The following NEURL1 variants were observed in gnomAD, a reference collection of about 807,000 sequenced individuals.
NEURL1 encodes the protein neuralized E3 ubiquitin protein ligase 1.
In NEURL1, 26 loss-of-function variants were observed where a neutral mutation model predicts 41.2. The ratio of observed to expected loss-of-function variants is 0.63; its 90% CI spans 0.46 to 0.87. NEURL1 has a LOEUF of 0.87. NEURL1 is among the 40% of genes least tolerant of loss of function. The pLI, the probability that NEURL1 is intolerant of heterozygous loss-of-function variation, is 0.00. For synonymous variants in NEURL1, 400 were observed against 402.3 expected, an observed-to-expected ratio of 0.99 and a Z score of 0.07; for missense variants, 761 against 871.1, an observed-to-expected ratio of 0.87 and a Z score of 1.59.
At chr10:103,583,833 G>A (rs1394624623) in intron 3 of NEURL1, among the ~76,000 whole-genome samples, 1 of 134,290 alleles carries the variant, frequency 7.4e-6, no homozygotes, top group Non-Finnish European at 1.6e-5. Flanking sequence ...GGGCTTATAG[G>A]CGATTGTTTT....
chr10:103,534,810 G>T (rs935222931), intron 1 of NEURL1, among the ~76,000 whole-genome samples: 1 of 152,074 alleles, frequency 6.6e-6, no homozygotes, highest in Non-Finnish European at 1.5e-5. Flanking sequence ...TGCCACCTGG[G>T]TCATGGGGTG....
At chr10:103,520,600 A>C (rs942432725) in intron 1 of NEURL1, among the ~76,000 whole-genome samples, 1 of 152,182 alleles carries the variant, frequency 6.6e-6, no homozygotes, top group Non-Finnish European at 1.5e-5. Flanking sequence ...CGTGCAGGTC[A>C]CAGGGGATAT....
At chr10:103,579,787 CA>C (rs1173590119) in intron 3 of NEURL1, among the ~76,000 whole-genome samples, 1 of 151,938 alleles carries the variant, frequency 6.6e-6, no homozygotes, top group Non-Finnish European at 1.5e-5. Flanking sequence ...ACAAAAAATA[CA>C]AAAATTAGCC....
At chr10:103,531,510 G>T (rs567227356) in intron 1 of NEURL1, among the ~76,000 whole-genome samples, 1 of 151,800 alleles carries the variant, frequency 6.6e-6, no homozygotes, top group Admixed American at 6.6e-5. Flanking sequence ...AAAGTGCTGG[G>T]ATTACAGATG....
intron 1 of NEURL1, among the ~76,000 whole-genome samples, chr10:103,562,678 T>C (rs1012877904): frequency 6.6e-6 from 1 of 152,166 alleles, no homozygotes; most frequent in Non-Finnish European, 1.5e-5. Context: ...TGGTGATGCG[T>C]CCTCTGTTAG....
intron 1 of NEURL1, among the ~76,000 whole-genome samples, chr10:103,534,370 A>G (rs1453781107): frequency 1.3e-5 from 2 of 152,098 alleles, no homozygotes; most frequent in Non-Finnish European, 1.5e-5. Flanking sequence ...CTGTACATCT[A>G]GTGGATCAAT....
intron 4 of NEURL1, among the ~76,000 whole-genome samples, chr10:103,586,432 A>G (rs1355982700): frequency 6.6e-6 from 1 of 152,104 alleles, no homozygotes; most frequent in Non-Finnish European, 1.5e-5. Flanking sequence ...TAGACCTTGG[A>G]CAGGTTCTGG....
At chr10:103,543,800 G>A (rs61871220) in intron 1 of NEURL1, among the ~76,000 whole-genome samples, 2,251 of 152,258 alleles carry the variant, frequency 0.015, 34 homozygotes, top group Middle Eastern at 0.082. Flanking sequence ...GTGTTTGTGG[G>A]ACCAGTGCCA....
chr10:103,568,478 G>A (rs1159566165), intron 1 of NEURL1, among the ~76,000 whole-genome samples: 1 of 152,172 alleles, frequency 6.6e-6, no homozygotes, highest in Non-Finnish European at 1.5e-5. Context: ...AGTAGAGGCT[G>A]GGGAGGGGGA....
At chr10:103,503,737 A>G (rs1666266229) in intron 1 of NEURL1, among the ~76,000 whole-genome samples, 1 of 150,856 alleles carries the variant, frequency 6.6e-6, no homozygotes, top group Admixed American at 6.6e-5. Context: ...GAATCTGGAG[A>G]TCACAATTGC....
chr10:103,540,618 TC>T (rs1228522304), intron 1 of NEURL1, among the ~76,000 whole-genome samples: 1 of 152,158 alleles, frequency 6.6e-6, no homozygotes, highest in Non-Finnish European at 1.5e-5. Context: ...ACTACTTTTT[TC>T]TCCAGTACCA....
intron 1 of NEURL1, among the ~76,000 whole-genome samples, chr10:103,555,674 G>A (rs112250284): frequency 0.018 from 2,761 of 151,640 alleles, 44 homozygotes; most frequent in Middle Eastern, 0.034. Flanking sequence ...GGCAGCTGAG[G>A]CTCCCCACAA....
rs2033629366 is a variant in NEURL1 at position 103,494,371 on chromosome 10, T to C, written c.-17T>C. The C allele has an allele frequency of 6.4e-7, 1 of 1,570,508 alleles. No individual in the cohort carries two copies. Among genetic ancestry groups the C allele is most frequent in the Non-Finnish European group, 8.6e-7 (1 of 1,157,768 alleles). On this transcript the variant is annotated 5_prime_UTR_variant, in exon 1 of 6. Transcript: ENST00000369780. ...CGCCCCCACCCGCGAGCGCCGAACCTCCTGGGGCCGGATGCCATGGGTAAC... is the reference window on the plus strand; with the variant it reads ...CGCCCCCACCCGCGAGCGCCGAACCCCCTGGGGCCGGATGCCATGGGTAAC...
rs2133839652 is a variant in NEURL1 at position 103,493,897 on chromosome 10, G to C, written c.-491G>C. On this transcript the variant is annotated 5_prime_UTR_variant, in exon 1 of 6. Coordinates refer to ENST00000369780, the MANE Select transcript of NEURL1 (RefSeq NM_004210.5). ...GCTCCGCCGAGCCCCGCTCCACGCAGACCCGCGGGCGGGAGGGAGCCACGC... is the reference window on the plus strand; with the variant it reads ...GCTCCGCCGAGCCCCGCTCCACGCACACCCGCGGGCGGGAGGGAGCCACGC... The C allele has an allele frequency of 6.6e-6, 1 of 152,122 alleles. No individual in the cohort carries two copies. Among genetic ancestry groups the C allele is most frequent in the Non-Finnish European group, 1.5e-5 (1 of 68,140 alleles). The allele number at this position is 152,122 out of a possible 1,614,324, so 9.4% of individuals were successfully genotyped here.
chr10:103,494,460 C>CAG lies in NEURL1; in HGVS notation c.75_76dup (p.Asn26ArgfsTer84). ...GAGCCGCGCGCCGCGGGGCCACCCC[C>CAG]AGAACCTCAAAGGTAGGCTCCCCGG... On this transcript the variant is annotated frameshift_variant, in exon 1 of 6. Transcript: ENST00000369780. LOFTEE classifies it high-confidence loss of function. 1 of 1,587,848 alleles carries CAG rather than the reference C, an allele frequency of 6.3e-7. No individual in the cohort carries two copies. The highest frequency in any genetic ancestry group is 2.3e-5 in the East Asian group (1 of 43,336).
rs201183021 is a variant in NEURL1, at chr10:103,592,052, G to GT, written c.*1689dup. On this transcript the variant is annotated 3_prime_UTR_variant, in exon 6 of 6. Coordinates refer to ENST00000369780, the MANE Select transcript of NEURL1 (RefSeq NM_004210.5). The surrounding 1 kb of genome is among the most constrained non-coding windows in gnomAD (Gnocchi z 4.8). ...CCCCCTCAGATGGCTTTTTGTTTTT[G>GT]TTTTTTTTTGCATCCATCAGAGACT... 9.9e-4 allele frequency: 150 copies of GT among 151,082 alleles called. No individual in the cohort carries two copies. In the East Asian group the frequency reaches 0.013, roughly 13 times the overall value. The allele number at this position is 151,082 out of a possible 1,614,324, so 9.4% of individuals were successfully genotyped here. A position where few individuals can be genotyped will look rare whatever the true frequency, so the allele number is the denominator to read the frequency against.
chr10:103,576,052 G>A (rs886757338), intron 3 of NEURL1, among the ~76,000 whole-genome samples: 2 of 152,232 alleles, frequency 1.3e-5, no homozygotes, highest in Non-Finnish European at 2.9e-5. Flanking sequence ...GCGGGGGCAG[G>A]TGGGAGACAG....
intron 3 of NEURL1, among the ~76,000 whole-genome samples, chr10:103,581,203 G>A (rs1347303478): frequency 6.6e-6 from 1 of 152,152 alleles, no homozygotes; most frequent in Non-Finnish European, 1.5e-5. Context: ...GAGGCTGGGA[G>A]GAAGGTTGCT....
intron 1 of NEURL1, among the ~76,000 whole-genome samples, chr10:103,552,488 G>A (rs1467712715): frequency 6.6e-6 from 1 of 152,126 alleles, no homozygotes; most frequent in Non-Finnish European, 1.5e-5. Flanking sequence ...CACAGCACAG[G>A]GCCATTAGCC....
Sources: gnomAD v4.1 joint callset for allele counts (sites outside exome capture counted in the v4.1 genomes callset) on GRCh38, gnomAD v4.1.1 for gene constraint, Gnocchi (gnomAD v3.1) non-coding constraint, MANE v1.5 for transcripts, NCBI Gene and HGNC (gene_info 2026-07-23, HGNC 2026-07-21) for gene names.